Variants in SH3RF2 observed in about 807,000 individuals in gnomAD.
The protein encoded by SH3RF2 is SH3 domain containing ring finger 2, also known as E3 ubiquitin-protein ligase SH3RF2.
A neutral mutation model predicts 59.0 loss-of-function variants in SH3RF2; 43 were observed. The observed-to-expected ratio is 0.73, with a 90% confidence interval of 0.57 to 0.94. The LOEUF is 0.94. Among genes scored for constraint, SH3RF2 ranks in the 40% least tolerant of loss-of-function variants. The pLI, the probability that SH3RF2 is intolerant of heterozygous loss-of-function variation, is 0.00. For synonymous variants in SH3RF2, 391 were observed against 391.5 expected, an observed-to-expected ratio of 1.00 and a Z score of 0.01; for missense variants, 930 against 940.1, an observed-to-expected ratio of 0.99 and a Z score of 0.14.
intron 2 of SH3RF2, among the ~76,000 whole-genome samples, chr5:145,963,829 GTT>G (rs111824139): frequency 1.5e-5 from 2 of 135,696 alleles, no homozygotes; most frequent in African/African-American, 5.4e-5. Flanking sequence ...TTTCTTTTTT[GTT>G]TTTTTTTTTT....
intron 2 of SH3RF2, among the ~76,000 whole-genome samples, chr5:145,967,487 G>A (rs1336537951): frequency 1.3e-5 from 2 of 152,192 alleles, no homozygotes; most frequent in Non-Finnish European, 2.9e-5. Flanking sequence ...GGAATCTGAG[G>A]CATGTTGAGT....
At chr5:146,016,433 A>G (rs1761109763) in intron 5 of SH3RF2, among the ~76,000 whole-genome samples, 1 of 152,146 alleles carries the variant, frequency 6.6e-6, no homozygotes, top group African/African-American at 2.4e-5. Context: ...ATAAATAGAT[A>G]GATAGATAAA....
rs946640634 is a variant in SH3RF2 at position 145,974,378 on chromosome 5, A to T, written c.379-25680A>T. 3.3e-5 allele frequency among the ~76,000 whole-genome samples: 5 copies of T among 152,170 alleles called. No homozygotes were observed. In the South Asian group the frequency reaches 1.0e-3, roughly 32 times the overall value. On this transcript the variant is annotated intron_variant, in intron 2 of 9. Coordinates refer to ENST00000359120, the MANE Select transcript of SH3RF2 (RefSeq NM_152550.4). ...CCTATATTCAAGGAGAAGGAATTTC[A>T]TGGGGGTAGGAGCACCTTTGGTCAT... is the stretch of plus-strand genomic sequence containing the variant.
chr5:145,988,135 G>A (rs1447602122), intron 2 of SH3RF2, among the ~76,000 whole-genome samples: 1 of 152,134 alleles, frequency 6.6e-6, no homozygotes, highest in East Asian at 1.9e-4. Context: ...CATGCAGACA[G>A]CATTTCTTTT....
At chr5:146,072,408 C>T (rs1763257084) in intron 9 of SH3RF2, among the ~76,000 whole-genome samples, 1 of 152,200 alleles carries the variant, frequency 6.6e-6, no homozygotes, top group African/African-American at 2.4e-5. Flanking sequence ...CATGGTGGCT[C>T]ACGCCTGTAA....
chr5:146,031,898 C>G (rs1385000100), intron 5 of SH3RF2, among the ~76,000 whole-genome samples: 1 of 152,088 alleles, frequency 6.6e-6, no homozygotes, highest in East Asian at 1.9e-4. Flanking sequence ...TCCATGTGCC[C>G]CAGGTATATA....
intron 4 of SH3RF2, 122 bp downstream of exon 4, chr5:146,004,275 T>C: frequency 1.5e-6 from 1 of 649,380 alleles, no homozygotes; most frequent in Non-Finnish European, 2.4e-6. Context: ...CTAAAATCTC[T>C]AAAGAAAAGA....
At chr5:146,036,384 TCTA>T (rs1761937502) in intron 5 of SH3RF2, among the ~76,000 whole-genome samples, 1 of 152,138 alleles carries the variant, frequency 6.6e-6, no homozygotes, top group African/African-American at 2.4e-5. Context: ...AGACATTGTC[TCTA>T]CTTAAAATAA....
At chr5:145,974,843 T>C (rs550664384) in intron 2 of SH3RF2, among the ~76,000 whole-genome samples, 22 of 152,278 alleles carry the variant, frequency 1.4e-4, no homozygotes, top group African/African-American at 5.3e-4. Context: ...TCCAAACATA[T>C]GCAAAGTTGT....
At chr5:146,016,905 C>T (rs1761126368) in intron 5 of SH3RF2, among the ~76,000 whole-genome samples, 1 of 152,148 alleles carries the variant, frequency 6.6e-6, no homozygotes, top group South Asian at 2.1e-4. Context: ...TTATGAACTA[C>T]CAGTTGTGTC....
downstream of SH3RF2, among the ~76,000 whole-genome samples, chr5:146,064,608 AGAGAGAGG>A (rs1453477212): frequency 1.8e-4 from 16 of 89,286 alleles, no homozygotes; most frequent in African/African-American, 4.8e-4. Flanking sequence ...AGAGAGAGAG[AGAGAGAGG>A]GAGAGAGAGA....
Position 146,000,179 on chromosome 5 carries a change from T to G in SH3RF2, c.500T>G (p.Ile167Ser). 6.2e-7 allele frequency: 1 copy of G among 1,613,568 alleles called. No homozygotes were observed. The change falls in exon 3 of 10, where the codon ATC (isoleucine) becomes AGC (serine). Residue 167 changes from isoleucine to serine, a missense_variant. Physicochemically the swap from Ile to Ser is moderately radical, Grantham distance 142. Transcript: ENST00000359120. ...GATGAGAATTGGTACCAGGGGGAAA[T>G]CAATGGCATCAGCGGGAACTTCCCA... ...QLDENWYQGEINGISGNFPAS... is the reference protein window; with the variant it reads ...QLDENWYQGESNGISGNFPAS...
At chr5:145,972,138 C>A (rs1037551973) in intron 2 of SH3RF2, among the ~76,000 whole-genome samples, 1 of 152,016 alleles carries the variant, frequency 6.6e-6, no homozygotes, top group African/African-American at 2.4e-5. Flanking sequence ...TTGTTCAAAT[C>A]CGTACTGTAC....
At chr5:146,033,863 G>A (rs1580892836) in intron 5 of SH3RF2, among the ~76,000 whole-genome samples, 1 of 152,060 alleles carries the variant, frequency 6.6e-6, no homozygotes, top group Admixed American at 6.6e-5. Context: ...AAGAACAAAA[G>A]TAACACTCCT....
intron 5 of SH3RF2, among the ~76,000 whole-genome samples, chr5:146,040,158 G>T (rs1441076934): frequency 2.0e-5 from 3 of 152,164 alleles, no homozygotes; most frequent in African/African-American, 7.2e-5. Context: ...GATTATGGGG[G>T]AATATGCAGA....
chr5:145,965,222 A>T (rs1335229222), intron 2 of SH3RF2, among the ~76,000 whole-genome samples: 2 of 151,900 alleles, frequency 1.3e-5, no homozygotes, highest in Non-Finnish European at 2.9e-5. Flanking sequence ...GAAAAAAAAA[A>T]CCTAGAACTG....
At chr5:146,073,939 G>A (rs190497335) in intron 9 of SH3RF2, among the ~76,000 whole-genome samples, 15 of 152,004 alleles carry the variant, frequency 9.9e-5, no homozygotes, top group African/African-American at 3.6e-4. Flanking sequence ...CGAAGACTAA[G>A]AGGGAACCAG....
intron 9 of SH3RF2, among the ~76,000 whole-genome samples, chr5:146,076,422 T>C (rs944625784): frequency 6.6e-6 from 1 of 152,186 alleles, no homozygotes; most frequent in African/African-American, 2.4e-5. Flanking sequence ...AGGCAGGATA[T>C]GTCTAAGGCA....
intron 2 of SH3RF2, among the ~76,000 whole-genome samples, chr5:145,966,894 C>T (rs1758878479): frequency 6.6e-6 from 1 of 152,034 alleles, no homozygotes; most frequent in African/African-American, 2.4e-5. Flanking sequence ...TGGTGGTGCA[C>T]TCCTGTAGTC....
Sources: gnomAD v4.1 joint callset for allele counts (sites outside exome capture counted in the v4.1 genomes callset) on GRCh38, gnomAD v4.1.1 for gene constraint, MANE v1.5 for transcripts, NCBI Gene and HGNC (gene_info 2026-07-23, HGNC 2026-07-21) for gene names.